Variants in ADAM10 observed in about 807,000 individuals in gnomAD.
ADAM10 encodes disintegrin and metalloproteinase domain-containing protein 10.
In ADAM10, 17 loss-of-function variants were observed where a neutral mutation model predicts 90.1. The observed-to-expected ratio is 0.19, with a 90% CI of 0.13 to 0.28. The LOEUF is 0.28. ADAM10 is among the 10% of genes least tolerant of loss of function. ADAM10 has a pLI of 1.00. For missense variants in ADAM10, 610 were observed against 914.3 expected (o/e 0.67, Z 4.29); for synonymous variants, 310 against 298.6 (o/e 1.04, Z -0.40).
chr15:58,601,403 G>T (rs1397733145), intron 14 of ADAM10, among the ~76,000 whole-genome samples: 19 of 152,258 alleles, frequency 1.2e-4, no homozygotes, highest in African/African-American at 4.6e-4. Flanking sequence ...AGAGGTTACA[G>T]TGAGCCGAGA....
intron 1 of ADAM10, among the ~76,000 whole-genome samples, chr15:58,724,937 T>C (rs2140828094): frequency 6.6e-6 from 1 of 152,084 alleles, no homozygotes; most frequent in Middle Eastern, 3.4e-3. Flanking sequence ...ATACCTATAA[T>C]CCCAACACTT....
chr15:58,632,100 G>A (rs935407132), intron 9 of ADAM10, among the ~76,000 whole-genome samples: 2 of 152,134 alleles, frequency 1.3e-5, no homozygotes, highest in Non-Finnish European at 1.5e-5. Context: ...GTTTTCAAGT[G>A]TACATTTTCA....
At chr15:58,712,875 A>G (rs1361826564) in intron 2 of ADAM10, among the ~76,000 whole-genome samples, 1 of 152,052 alleles carries the variant, frequency 6.6e-6, no homozygotes, top group Non-Finnish European at 1.5e-5. Context: ...ATCTAAGAAC[A>G]AGAGAAGGGA....
At chr15:58,599,471 T>TCCAATAATC in intron 15 of ADAM10, 127 bp downstream of exon 15, 1 of 1,165,296 alleles carries the variant, frequency 8.6e-7, no homozygotes, top group Non-Finnish European at 1.3e-6. Flanking sequence ...AAATCATTCA[T>TCCAATAATC]CCAATAATCC....
intron 1 of ADAM10, among the ~76,000 whole-genome samples, chr15:58,738,600 C>A (rs575542240): frequency 1.3e-5 from 2 of 152,148 alleles, no homozygotes; most frequent in African/African-American, 4.8e-5. Flanking sequence ...ATCAGCTAGT[C>A]TCTAAGAAGT....
intron 11 of ADAM10, among the ~76,000 whole-genome samples, chr15:58,615,573 G>A (rs1895585317): frequency 6.6e-6 from 1 of 152,064 alleles, no homozygotes; most frequent in Non-Finnish European, 1.5e-5. Flanking sequence ...CCTATATGCT[G>A]CTTACAAGAA....
intron 2 of ADAM10, among the ~76,000 whole-genome samples, chr15:58,706,141 C>G (rs1434539695): frequency 6.6e-6 from 1 of 152,098 alleles, no homozygotes; most frequent in Non-Finnish European, 1.5e-5. Context: ...CAGAAGAAAA[C>G]AAAATACAGG....
chr15:58,613,001 G>C (rs1895494206), intron 11 of ADAM10, among the ~76,000 whole-genome samples: 1 of 152,212 alleles, frequency 6.6e-6, no homozygotes, highest in Non-Finnish European at 1.5e-5. Flanking sequence ...CGCAGCAGGT[G>C]CTCGTAGGCC....
At chr15:58,707,849 G>C (rs1228476044) in intron 2 of ADAM10, among the ~76,000 whole-genome samples, 2 of 152,134 alleles carry the variant, frequency 1.3e-5, no homozygotes, top group Admixed American at 6.5e-5. Context: ...GCCCGAGGCA[G>C]GTGGATCACT....
In ADAM10 at chr15:58,665,220, C is replaced by T. The variant is rs773202484; in HGVS notation, c.485-23G>A. 4.0e-6 allele frequency: 6 copies of T among 1,497,562 alleles called. No individual in the cohort carries two copies. In the South Asian group the frequency reaches 5.6e-5, roughly 14 times the overall value. The allele number at this position is 1,497,562 out of a possible 1,614,324, so 92.8% of individuals were successfully genotyped here. ...AGTCTAAAATACAAAGAAGAAACGTCATTACTATCACACATTTAGGTATAA... is the reference window on the plus strand; with the variant it reads ...AGTCTAAAATACAAAGAAGAAACGTTATTACTATCACACATTTAGGTATAA... On this transcript the variant is annotated intron_variant, in intron 4 of 15. Coordinates refer to ENST00000260408, the MANE Select transcript of ADAM10 (RefSeq NM_001110.4).
At chr15:58,743,750 G>A (rs1038009923) in intron 1 of ADAM10, among the ~76,000 whole-genome samples, 13 of 151,998 alleles carry the variant, frequency 8.6e-5, no homozygotes, top group African/African-American at 3.1e-4. Context: ...GATTACAGGC[G>A]CCTGCCACCA....
In ADAM10 at chr15:58,593,249, G is replaced by A. The variant is rs1349193737; in HGVS notation, c.*4298C>T. 8.1e-5 allele frequency: 11 copies of A among 135,106 alleles called. No individual in the cohort carries two copies. The highest frequency in any genetic ancestry group is 8.4e-5 in the Admixed American group (1 of 11,852). The allele number at this position is 135,106 out of a possible 1,614,324, so 8.4% of individuals were successfully genotyped here. A position where few individuals can be genotyped will look rare whatever the true frequency, so the allele number is the denominator to read the frequency against. ...GGCTGGAGTGCAATGGCGCAATCGC[G>A]GCTCACTGCAGCCTCTGCCTCCTGG... On this transcript the variant is annotated 3_prime_UTR_variant, in exon 16 of 16. Coordinates refer to ENST00000260408, the MANE Select transcript of ADAM10 (RefSeq NM_001110.4).
intron 2 of ADAM10, among the ~76,000 whole-genome samples, chr15:58,706,645 G>T (rs1383691838): frequency 3.9e-5 from 6 of 152,116 alleles, no homozygotes; most frequent in African/African-American, 7.2e-5. Flanking sequence ...AAAGGAACAG[G>T]TCTGCAGAGG....
chr15:58,633,133 A>T, intron 9 of ADAM10, 63 bp downstream of exon 9: 1 of 1,458,268 alleles, frequency 6.9e-7, no homozygotes, highest in Non-Finnish European at 9.5e-7. Context: ...TTTTAAATAA[A>T]TCACTCAACA....
chr15:58,735,147 T>TA (rs1567018453), intron 1 of ADAM10, among the ~76,000 whole-genome samples: 1 of 152,234 alleles, frequency 6.6e-6, no homozygotes. Context: ...GCTTGGCCTC[T>TA]GACCCACTCA....
At chr15:58,635,791 TA>T (rs35001597) in intron 8 of ADAM10, among the ~76,000 whole-genome samples, 59,788 of 146,564 alleles carry the variant, frequency 0.41, 13,155 homozygotes, top group East Asian at 0.83. Flanking sequence ...CTTTATCAGT[TA>T]AAAAAAAAAA....
chr15:58,689,191 A>G (rs923545900), intron 2 of ADAM10, among the ~76,000 whole-genome samples: 6 of 152,148 alleles, frequency 3.9e-5, no homozygotes, highest in Non-Finnish European at 7.4e-5. Flanking sequence ...TAACATTAGA[A>G]ATAATGCAAG....
At chr15:58,619,442 T>C (rs1427615511) in intron 11 of ADAM10, among the ~76,000 whole-genome samples, 8 of 152,154 alleles carry the variant, frequency 5.3e-5, no homozygotes, top group Non-Finnish European at 1.0e-4. Context: ...CAATAACTAA[T>C]TGTAAATTTC....
At position 58,596,048 on chromosome 15, in the gene ADAM10, G is replaced by A. The variant is rs530289163; in HGVS notation, c.*1499C>T. 2.0e-5 allele frequency: 3 copies of A among 150,390 alleles called. No homozygotes were observed. The highest frequency in any genetic ancestry group is 2.1e-4 in the South Asian group (1 of 4,780). The allele number at this position is 150,390 out of a possible 1,614,324, so 9.3% of individuals were successfully genotyped here. ...AGCATTTTTGGCCTTGCTGGCTTGCGTCACATTATGAGAATGATTGTGTAA... is the reference window on the plus strand; with the variant it reads ...AGCATTTTTGGCCTTGCTGGCTTGCATCACATTATGAGAATGATTGTGTAA... On this transcript the variant is annotated 3_prime_UTR_variant, in exon 16 of 16. Transcript: ENST00000260408.
Sources: allele counts gnomAD v4.1 joint callset (sites outside exome capture counted in the v4.1 genomes callset), GRCh38; gene constraint gnomAD v4.1.1; transcripts MANE v1.5; gene names NCBI Gene and HGNC (gene_info 2026-07-23, HGNC 2026-07-21).